MEGF11: variants seen among roughly 807,000 people sequenced by gnomAD.
MEGF11 encodes the protein multiple EGF like domains 11.
In MEGF11, 126 loss-of-function variants were observed where a neutral mutation model predicts 146.6. That is an observed-to-expected ratio of 0.86 (90% CI 0.74 to 1.00). The LOEUF is 1.00. Ranked by LOEUF, MEGF11 falls within the 50% of genes least tolerant of loss-of-function variation. The pLI, the probability that MEGF11 is intolerant of heterozygous loss-of-function variation, is 0.00. For synonymous variants in MEGF11, 532 were observed against 583.4 expected (o/e 0.91, Z 1.27); for missense variants, 1,509 against 1,521.2 (o/e 0.99, Z 0.13).
intron 10 of MEGF11, among the ~76,000 whole-genome samples, chr15:65,932,730 G>A (rs898030944): frequency 2.6e-5 from 4 of 152,040 alleles, no homozygotes; most frequent in Admixed American, 6.5e-5. Context: ...TCCCCACTTA[G>A]GAACCTACTG....
At chr15:66,186,590 C>T (rs1006045701) in intron 1 of MEGF11, among the ~76,000 whole-genome samples, 1 of 152,198 alleles carries the variant, frequency 6.6e-6, no homozygotes, top group Admixed American at 6.5e-5. Context: ...TGGGAGCACT[C>T]CCTGTCTCCA....
chr15:66,169,877 G>T (rs906359692), intron 1 of MEGF11, among the ~76,000 whole-genome samples: 1 of 152,132 alleles, frequency 6.6e-6, no homozygotes, highest in African/African-American at 2.4e-5. Context: ...TGTACAACTG[G>T]CCAGTCCTTC....
chr15:65,945,219 C>T (rs1694638640), intron 10 of MEGF11, among the ~76,000 whole-genome samples: 1 of 152,180 alleles, frequency 6.6e-6, no homozygotes, highest in African/African-American at 2.4e-5. Flanking sequence ...AAGCTAGTTT[C>T]CTCTAGATTT....
intron 5 of MEGF11, among the ~76,000 whole-genome samples, chr15:66,034,493 C>T (rs1176720710): frequency 6.6e-6 from 1 of 151,760 alleles, no homozygotes; most frequent in Non-Finnish European, 1.5e-5. Flanking sequence ...GATCTTGGCT[C>T]AGTGCAAACT....
intron 3 of MEGF11, among the ~76,000 whole-genome samples, chr15:66,121,318 G>C (rs1216023462): frequency 6.6e-6 from 1 of 152,172 alleles, no homozygotes; most frequent in Admixed American, 6.5e-5. Flanking sequence ...GCCAACTCTG[G>C]CAAAATTGGT....
chr15:65,935,073 C>G (rs112038279), intron 10 of MEGF11, among the ~76,000 whole-genome samples: 1 of 152,030 alleles, frequency 6.6e-6, no homozygotes, highest in East Asian at 1.9e-4. Flanking sequence ...GTAATCCCAG[C>G]GCTTTGGGAG....
At chr15:66,212,543 G>C (rs2140133866) in intron 1 of MEGF11, among the ~76,000 whole-genome samples, 1 of 152,306 alleles carries the variant, frequency 6.6e-6, no homozygotes, top group African/African-American at 2.4e-5. Context: ...AGCCAGGCTG[G>C]GCTGGCCCCT....
Position 65,949,914 on chromosome 15 carries a change from T to TC in MEGF11, c.1287+7632dup, listed in dbSNP as rs1567172135. ...GGTGGAGCCGAGAAATCAGCCTTCT[T>TC]CCCCCGTGTGAGCAGGAAGTCTATT... On this transcript the variant is annotated intron_variant, in intron 10 of 25. Coordinates refer to ENST00000395614, the MANE Select transcript of MEGF11 (RefSeq NM_001385028.1). 6.6e-5 allele frequency among the ~76,000 whole-genome samples: 10 copies of TC among 152,026 alleles called. No homozygotes were observed. In the South Asian group the frequency reaches 2.1e-3, roughly 32 times the overall value.
In MEGF11 at chr15:66,097,405, C is replaced by T. The variant is rs1017219048; in HGVS notation, c.302-2911G>A. ...GGTTACTCAGCTGCTGCTCCTAGAG[C>T]GTGTGGGTGCCCTAAGCTCTTTCAG... On this transcript the variant is annotated intron_variant, in intron 4 of 25. Transcript: ENST00000395614. Among the ~76,000 whole-genome samples, 9 of 152,166 alleles carry T rather than the reference C, an allele frequency of 5.9e-5. 1 individual carries two copies. The highest frequency in any genetic ancestry group is 8.8e-5 in the Non-Finnish European group (6 of 68,032).
At chr15:66,148,102 A>G (rs541802218) in intron 1 of MEGF11, among the ~76,000 whole-genome samples, 1 of 152,258 alleles carries the variant, frequency 6.6e-6, no homozygotes, top group Admixed American at 6.5e-5. Context: ...ATAATTGCCT[A>G]TAAATGTGTA....
chr15:66,112,085 A>C lies in MEGF11; in HGVS notation c.301+7001T>G, dbSNP rs866952434. On this transcript the variant is annotated intron_variant, in intron 4 of 25. Coordinates refer to ENST00000395614, the MANE Select transcript of MEGF11 (RefSeq NM_001385028.1). ...GAAAGGGCTAATAGTTAAAAAAAAA[A>C]AAAAAAGTACAACCTGTACAAGGAA... 4.7e-3 allele frequency among the ~76,000 whole-genome samples: 717 copies of C among 151,994 alleles called. 3 individuals carry two copies. Among genetic ancestry groups the C allele is most frequent in the African/African-American group, 0.016 (679 of 41,422 alleles).
chr15:65,970,709 A>T lies in MEGF11; in HGVS notation c.763-20T>A. The T allele has an allele frequency of 6.2e-7, 1 of 1,601,086 alleles. No individual in the cohort carries two copies. Among genetic ancestry groups the T allele is most frequent in the Non-Finnish European group, 8.5e-7 (1 of 1,173,724 alleles). ...TGCTCCCTAAAAGAAAGGTGGGAAG[A>T]CATGCATGGCGGTGCTCCAGAAATG... On this transcript the variant is annotated intron_variant, in intron 7 of 25. Coordinates refer to ENST00000395614, the MANE Select transcript of MEGF11 (RefSeq NM_001385028.1).
intron 1 of MEGF11, among the ~76,000 whole-genome samples, chr15:66,160,425 C>T (rs1489001042): frequency 6.6e-6 from 1 of 152,182 alleles, no homozygotes; most frequent in Non-Finnish European, 1.5e-5. Context: ...GGAACCACTT[C>T]ACCAGCATCA....
At chr15:66,204,811 T>C (rs2091258711) in intron 1 of MEGF11, among the ~76,000 whole-genome samples, 1 of 152,104 alleles carries the variant, frequency 6.6e-6, no homozygotes. Flanking sequence ...TCCAGAGAGA[T>C]AAAGTAAGCA....
rs1012739737 is a variant in MEGF11, at chr15:66,241,826, C to T, written c.-9+11779G>A. Reference sequence around the variant, plus strand: ...CTACTCAACCCAACACGCAAAGACACAAGCACAAAGACATATACAGACGTC... The same window carrying T: ...CTACTCAACCCAACACGCAAAGACATAAGCACAAAGACATATACAGACGTC... On this transcript the variant is annotated intron_variant, in intron 1 of 25. Coordinates refer to ENST00000395614, the MANE Select transcript of MEGF11 (RefSeq NM_001385028.1). 2.0e-5 allele frequency among the ~76,000 whole-genome samples: 3 copies of T among 152,166 alleles called. No individual in the cohort carries two copies. In the East Asian group the frequency reaches 5.8e-4, roughly 29 times the overall value.
intron 1 of MEGF11, among the ~76,000 whole-genome samples, chr15:66,225,744 A>G (rs919259647): frequency 2.0e-5 from 3 of 152,104 alleles, no homozygotes; most frequent in Non-Finnish European, 4.4e-5. Flanking sequence ...TCATACACAC[A>G]CTTACATGAA....
rs2091528004 is a variant in MEGF11, at chr15:66,214,057, T to C, written c.-9+39548A>G. Among the ~76,000 whole-genome samples, 3 of 129,084 alleles carry C rather than the reference T, an allele frequency of 2.3e-5. No homozygotes were observed. The Admixed American group carries it at 2.6e-4, about 11-fold the overall frequency. The allele number at this position is 129,084 out of a possible 152,430, so 84.7% of individuals were successfully genotyped here. ...TTTTTTTTTTTTTTTTTTTTTGAGATGGAGTCTCACTCTTGTTGCCCAGGC... is the reference window on the plus strand; with the variant it reads ...TTTTTTTTTTTTTTTTTTTTTGAGACGGAGTCTCACTCTTGTTGCCCAGGC... On this transcript the variant is annotated intron_variant, in intron 1 of 25. Transcript: ENST00000395614.
intron 24 of MEGF11, among the ~76,000 whole-genome samples, chr15:65,901,535 C>T (rs547621273): frequency 6.6e-6 from 1 of 151,822 alleles, no homozygotes; most frequent in East Asian, 1.9e-4. Flanking sequence ...TAGTTGATAC[C>T]AATCAAGATG....
intron 24 of MEGF11, among the ~76,000 whole-genome samples, chr15:65,899,205 T>TG (rs1352294713): frequency 1.3e-5 from 2 of 152,240 alleles, no homozygotes; most frequent in African/African-American, 4.8e-5. Flanking sequence ...ATAATATGCT[T>TG]TGACATGTAT....
Sources: gnomAD v4.1 joint callset for allele counts (sites outside exome capture counted in the v4.1 genomes callset) on GRCh38, gnomAD v4.1.1 for gene constraint, MANE v1.5 for transcripts, NCBI Gene and HGNC (gene_info 2026-07-23, HGNC 2026-07-21) for gene names.